Variants in ESR1 observed in about 807,000 individuals in gnomAD.
ESR1 encodes estrogen receptor 1.
ESR1 carries 12 observed loss-of-function variants against 52.7 expected under a neutral mutation model. That is an observed-to-expected ratio of 0.23 (90% confidence interval 0.15 to 0.37). ESR1 has a LOEUF of 0.37. Ranked by LOEUF, ESR1 falls within the 10% of genes least tolerant of loss-of-function variation. ESR1 has a pLI of 1.00. For missense variants in ESR1, 584 were observed against 779.7 expected, an observed-to-expected ratio of 0.75 and a Z score of 2.99; for synonymous variants, 305 against 316.8, an observed-to-expected ratio of 0.96 and a Z score of 0.39.
At chr6:151,778,392 T>C (rs1027983616) in intron 2 of ESR1, among the ~76,000 whole-genome samples, 1 of 149,592 alleles carries the variant, frequency 6.7e-6, no homozygotes, top group Non-Finnish European at 1.5e-5. Flanking sequence ...CATTTTATGT[T>C]ATGTATATTT....
chr6:151,719,101 T>G (rs1226130216), intron 2 of ESR1, among the ~76,000 whole-genome samples: 5 of 152,136 alleles, frequency 3.3e-5, no homozygotes, highest in Non-Finnish European at 7.4e-5. Context: ...ATTGAGCTCT[T>G]ACTATGTCAA....
upstream of ESR1, chr6:151,804,447 C>T (rs1211537573): frequency 6.6e-6 from 1 of 152,072 alleles, no homozygotes; most frequent in African/African-American, 2.4e-5. Flanking sequence ...CATGGGTGGC[C>T]ATTGTTGACC....
chr6:151,904,701 C>A (rs990468613), intron 3 of ESR1, among the ~76,000 whole-genome samples: 1 of 151,894 alleles, frequency 6.6e-6, no homozygotes, highest in South Asian at 2.1e-4. Flanking sequence ...TAATAATAAT[C>A]GATTTTGGAT....
chr6:151,918,454 A>G (rs73780902), intron 3 of ESR1, among the ~76,000 whole-genome samples: 57 of 152,366 alleles, frequency 3.7e-4, no homozygotes, highest in African/African-American at 1.3e-3. Flanking sequence ...ACAATGGTGT[A>G]TCACCCCAAA....
intron 2 of ESR1, among the ~76,000 whole-genome samples, chr6:151,768,219 G>T (rs897609774): frequency 6.6e-6 from 1 of 152,172 alleles, no homozygotes; most frequent in African/African-American, 2.4e-5. Flanking sequence ...AGTGATCAAA[G>T]GTGACATCAG....
intron 2 of ESR1, among the ~76,000 whole-genome samples, chr6:151,765,339 G>A (rs1304027035): frequency 2.0e-5 from 3 of 152,120 alleles, no homozygotes; most frequent in African/African-American, 7.2e-5. Flanking sequence ...ACTGAATTGA[G>A]TATCAGTTTT....
At chr6:151,921,779 A>C (rs1227397075) in intron 3 of ESR1, among the ~76,000 whole-genome samples, 1 of 151,970 alleles carries the variant, frequency 6.6e-6, no homozygotes, top group East Asian at 1.9e-4. Context: ...ACTTTTTAAT[A>C]GGGTTGTTTG....
chr6:151,961,287 A>T (rs1470317226), intron 4 of ESR1, among the ~76,000 whole-genome samples: 1 of 152,238 alleles, frequency 6.6e-6, no homozygotes, highest in African/African-American at 2.4e-5. Flanking sequence ...AATCCATCTC[A>T]CTGTGGCATC....
chr6:151,841,705 A>T, intron 1 of ESR1, among the ~76,000 whole-genome samples: 1 of 148,558 alleles, frequency 6.7e-6, no homozygotes, highest in Non-Finnish European at 1.5e-5. Flanking sequence ...TGTTCCTCTG[A>T]TTGTCTCTCT....
In ESR1 at chr6:151,817,185, C is replaced by A. The variant is rs558235251; in HGVS notation, c.452+8821C>A. ...AATCAAGGATTATTTCAGAATCACC[C>A]AGATGATTAAAAAACTACTGAGATC... On this transcript the variant is annotated intron_variant, in intron 1 of 7. Coordinates refer to ENST00000206249, the MANE Select transcript of ESR1 (RefSeq NM_000125.4). 2.0e-5 allele frequency among the ~76,000 whole-genome samples: 3 copies of A among 152,256 alleles called. No individual in the cohort carries two copies. In the South Asian group the frequency reaches 6.2e-4, roughly 32 times the overall value.
chr6:151,997,522 C>T (rs909466366), intron 4 of ESR1, among the ~76,000 whole-genome samples: 2 of 152,054 alleles, frequency 1.3e-5, no homozygotes, highest in Non-Finnish European at 2.9e-5. Context: ...GCTGTAGGTA[C>T]TTCAAATGGA....
chr6:151,686,286 T>C (rs1193949725), upstream of ESR1, among the ~76,000 whole-genome samples: 1 of 152,096 alleles, frequency 6.6e-6, no homozygotes, highest in East Asian at 1.9e-4. Flanking sequence ...AAAGACAGTA[T>C]ACAGTGTCAT....
chr6:151,701,663 G>T (rs1250249001), intron 1 of ESR1, among the ~76,000 whole-genome samples: 2 of 152,010 alleles, frequency 1.3e-5, no homozygotes, highest in Non-Finnish European at 2.9e-5. Flanking sequence ...ACTAGCTTAA[G>T]CCCTACTCAG....
intron 4 of ESR1, among the ~76,000 whole-genome samples, chr6:151,959,130 T>G (rs1305787176): frequency 6.6e-6 from 1 of 152,150 alleles, no homozygotes; most frequent in Non-Finnish European, 1.5e-5. Flanking sequence ...TCCACCTAAG[T>G]GTGCAAGTGT....
At chr6:151,980,060 A>T (rs1464433543) in intron 4 of ESR1, among the ~76,000 whole-genome samples, 1 of 152,192 alleles carries the variant, frequency 6.6e-6, no homozygotes, top group East Asian at 1.9e-4. Context: ...CCTGACGTTG[A>T]AAGATTTAGA....
intron 4 of ESR1, among the ~76,000 whole-genome samples, chr6:151,956,159 C>T (rs936183246): frequency 6.6e-6 from 1 of 152,168 alleles, no homozygotes; most frequent in African/African-American, 2.4e-5. Flanking sequence ...CATGTCTTTA[C>T]TATTGTGAAT....
chr6:151,693,781 C>T (rs1779119068), intron 1 of ESR1, among the ~76,000 whole-genome samples: 1 of 152,166 alleles, frequency 6.6e-6, no homozygotes, highest in South Asian at 2.1e-4. Context: ...CCATGGCCAG[C>T]TAATTTTCAT....
chr6:151,779,899 CAAAAAAA>C (rs1192077755), intron 2 of ESR1, among the ~76,000 whole-genome samples: 6 of 44,752 alleles, frequency 1.3e-4, no homozygotes, highest in African/African-American at 4.3e-4. Context: ...GACTCCGTCT[CAAAAAAA>C]AAAAAAAAAA....
chr6:151,736,375 G>GTTCTTTTTTTTTGTTTTTTTTTTTT (rs748276035), intron 2 of ESR1, among the ~76,000 whole-genome samples: 1 of 112,742 alleles, frequency 8.9e-6, no homozygotes, highest in African/African-American at 3.8e-5. Context: ...TCCAGGTAGT[G>GTTCTTTTTTTTTGTTTTTTTTTTTT]TTTTTTTTTT....
Sources: gnomAD v4.1 joint callset for allele counts (sites outside exome capture counted in the v4.1 genomes callset) on GRCh38, gnomAD v4.1.1 for gene constraint, MANE v1.5 for transcripts, NCBI Gene and HGNC (gene_info 2026-07-23, HGNC 2026-07-21) for gene names.